Variants in DLGAP1 observed in about 807,000 individuals in gnomAD.
DLGAP1 encodes the protein DLG associated protein 1, also known as disks large-associated protein 1.
A neutral mutation model predicts 90.8 loss-of-function variants in DLGAP1; 11 were observed. The observed-to-expected ratio is 0.12, with a 90% CI of 0.08 to 0.20. The LOEUF is 0.20. DLGAP1 is among the 10% of genes least tolerant of loss of function. DLGAP1 has a pLI of 1.00. For missense variants in DLGAP1, 1,050 were observed against 1,333.8 expected (o/e 0.79, Z 3.31); for synonymous variants, 558 against 540.7 (o/e 1.03, Z -0.44).
intron 4 of DLGAP1, among the ~76,000 whole-genome samples, chr18:3,821,252 C>T (rs974692927): frequency 5.7e-5 from 8 of 139,844 alleles, no homozygotes; most frequent in African/African-American, 8.2e-5. Context: ...ATGGTGCCAC[C>T]ACTCTCCAGC....
intron 9 of DLGAP1, 99 bp from the exon 10 acceptor site, chr18:3,534,714 A>G (rs2052236993): frequency 2.9e-6 from 3 of 1,030,944 alleles, no homozygotes; most frequent in Non-Finnish European, 4.0e-6. Flanking sequence ...TTTTTTTGAC[A>G]GAGTCTCACT....
intron 3 of DLGAP1, among the ~76,000 whole-genome samples, chr18:3,965,998 T>A (rs2073322045): frequency 6.6e-6 from 1 of 150,428 alleles, no homozygotes; most frequent in Non-Finnish European, 1.5e-5. Context: ...TCTGCCTGCC[T>A]GCTTGGAGTT....
intron 9 of DLGAP1, among the ~76,000 whole-genome samples, chr18:3,562,643 C>G (rs890228534): frequency 1.4e-5 from 2 of 144,984 alleles, no homozygotes; most frequent in Non-Finnish European, 3.0e-5. Context: ...CTCCTGGGTT[C>G]AAGTGATTTT....
intron 2 of DLGAP1, among the ~76,000 whole-genome samples, chr18:4,057,004 T>TACACACACACACACACAC (rs55887550): frequency 8.7e-6 from 1 of 115,020 alleles, no homozygotes; most frequent in Non-Finnish European, 1.8e-5. Flanking sequence ...TGACCATACA[T>TACACACACACACACACAC]ACACACACAC....
intron 2 of DLGAP1, among the ~76,000 whole-genome samples, chr18:4,069,710 A>G (rs59663348): frequency 0.3 from 46,288 of 152,070 alleles, 8,243 homozygotes; most frequent in East Asian, 0.64. Context: ...CACGCTTCCC[A>G]TACCGTTTGC....
At chr18:4,083,365 T>A (rs184167311) in intron 2 of DLGAP1, among the ~76,000 whole-genome samples, 1 of 152,250 alleles carries the variant, frequency 6.6e-6, no homozygotes, top group Non-Finnish European at 1.5e-5. Context: ...AAACAGTGTG[T>A]CTTTTTCTTT....
At chr18:4,384,164 C>A (rs777551487) in intron 1 of DLGAP1, among the ~76,000 whole-genome samples, 2 of 152,084 alleles carry the variant, frequency 1.3e-5, no homozygotes, top group African/African-American at 2.4e-5. Flanking sequence ...AAATGTTTAA[C>A]CTACCTAATA....
intron 7 of DLGAP1, among the ~76,000 whole-genome samples, chr18:3,598,516 G>A (rs2056721015): frequency 7.1e-6 from 1 of 140,834 alleles, no homozygotes; most frequent in South Asian, 2.2e-4. Flanking sequence ...CACCCAGGCT[G>A]GAGTGCAGTG....
chr18:3,755,603 T>C (rs2063687298), intron 5 of DLGAP1, among the ~76,000 whole-genome samples: 1 of 152,192 alleles, frequency 6.6e-6, no homozygotes. Flanking sequence ...ACAAAAGTCT[T>C]AGTACATCAG....
At chr18:4,162,602 G>T (rs755551157) in intron 1 of DLGAP1, among the ~76,000 whole-genome samples, 5 of 152,118 alleles carry the variant, frequency 3.3e-5, no homozygotes, top group South Asian at 2.1e-4. Flanking sequence ...TCTTTGAAAA[G>T]GTTCTATACC....
At chr18:3,567,116 C>A (rs1237613600) in intron 9 of DLGAP1, among the ~76,000 whole-genome samples, 1 of 146,446 alleles carries the variant, frequency 6.8e-6, no homozygotes, top group African/African-American at 2.4e-5. Context: ...AAACACCAGA[C>A]ACTATTAAGT....
intron 4 of DLGAP1, among the ~76,000 whole-genome samples, chr18:3,868,671 C>G (rs2070553580): frequency 6.6e-6 from 1 of 152,092 alleles, no homozygotes; most frequent in South Asian, 2.1e-4. Context: ...CCTGTGAATT[C>G]TGAATGGTTT....
chr18:3,743,415 C>T (rs11661484), intron 5 of DLGAP1, among the ~76,000 whole-genome samples: 14,791 of 151,400 alleles, frequency 0.098, 944 homozygotes, highest in South Asian at 0.19. Context: ...AGTGCAGTGG[C>T]GCAACTTTGG....
At chr18:4,289,894 T>C (rs764960671) in intron 1 of DLGAP1, among the ~76,000 whole-genome samples, 3 of 152,192 alleles carry the variant, frequency 2.0e-5, no homozygotes, top group Non-Finnish European at 2.9e-5. Context: ...ATGCACCCAA[T>C]TACAACATTC....
At chr18:3,772,408 C>T (rs1230861359) in intron 5 of DLGAP1, among the ~76,000 whole-genome samples, 1 of 31,032 alleles carries the variant, frequency 3.2e-5, no homozygotes, top group Non-Finnish European at 8.1e-5. Flanking sequence ...TTCTTTCTTT[C>T]TCTTTCTTTC....
intron 7 of DLGAP1, among the ~76,000 whole-genome samples, chr18:3,650,444 A>G (rs896721486): frequency 6.6e-6 from 1 of 152,210 alleles, no homozygotes; most frequent in African/African-American, 2.4e-5. Flanking sequence ...GGCAACATAG[A>G]GAGACCCTGT....
intron 2 of DLGAP1, among the ~76,000 whole-genome samples, chr18:4,071,057 A>AT (rs1240802003): frequency 6.6e-6 from 1 of 152,164 alleles, no homozygotes; most frequent in African/African-American, 2.4e-5. Flanking sequence ...ATCAGAGATA[A>AT]TCTAAGCAAA....
chr18:4,251,155 T>C (rs938514811), intron 1 of DLGAP1, among the ~76,000 whole-genome samples: 1 of 152,164 alleles, frequency 6.6e-6, no homozygotes, highest in African/African-American at 2.4e-5. Flanking sequence ...TACTCTCACA[T>C]GCATTTGAGA....
At chr18:3,889,971 C>T (rs2071417430) in intron 3 of DLGAP1, among the ~76,000 whole-genome samples, 1 of 152,192 alleles carries the variant, frequency 6.6e-6, no homozygotes, top group South Asian at 2.1e-4. Context: ...TGCCTAATGG[C>T]CTTGTAGGTC....
Sources: allele counts gnomAD v4.1 joint callset (sites outside exome capture counted in the v4.1 genomes callset), GRCh38; gene constraint gnomAD v4.1.1; transcripts MANE v1.5; gene names NCBI Gene and HGNC (gene_info 2026-07-23, HGNC 2026-07-21).